The following TSPAN8 variants were observed in gnomAD, a reference collection of about 807,000 sequenced individuals.
TSPAN8 encodes tetraspanin-8.
In TSPAN8, 21 loss-of-function variants were observed where a neutral mutation model predicts 32.8. The observed-to-expected ratio is 0.64, with a 90% CI of 0.45 to 0.92. TSPAN8 has a LOEUF of 0.92. Ranked by LOEUF, TSPAN8 falls within the 40% of genes least tolerant of loss-of-function variation. The probability of loss-of-function intolerance (pLI) is 0.00; values close to 1 mark genes in which losing one functional copy is unlikely to be tolerated. For missense variants in TSPAN8, 269 were observed against 281.9 expected, an observed-to-expected ratio of 0.95 and a Z score of 0.33; for synonymous variants, 95 against 94.6, an observed-to-expected ratio of 1.00 and a Z score of -0.03.
intron 2 of TSPAN8, among the ~76,000 whole-genome samples, chr12:71,155,509 G>A (rs1477999463): frequency 6.6e-6 from 1 of 152,056 alleles, no homozygotes; most frequent in Non-Finnish European, 1.5e-5. Flanking sequence ...GTTGACTGAG[G>A]GAGAATCAAC....
intron 2 of TSPAN8, among the ~76,000 whole-genome samples, chr12:71,154,405 A>G (rs1311640098): frequency 6.6e-6 from 1 of 151,346 alleles, no homozygotes; most frequent in African/African-American, 2.4e-5. Context: ...GGCATGGTAC[A>G]GACCTCTACA....
chr12:71,137,295 T>A (rs1871730911), intron 6 of TSPAN8, among the ~76,000 whole-genome samples: 3 of 151,822 alleles, frequency 2.0e-5, no homozygotes, highest in Admixed American at 2.0e-4. Context: ...TAATTAATTA[T>A]TTTTTAAAAA....
At position 71,157,726 on chromosome 12, in the gene TSPAN8, T is replaced by C. The variant is rs1488345605; in HGVS notation, c.-48A>G. 7 of 1,476,266 alleles carry C rather than the reference T, an allele frequency of 4.7e-6. No homozygotes were observed. The highest frequency in any genetic ancestry group is 6.6e-6 in the Non-Finnish European group (7 of 1,054,852). 91.4% of individuals were successfully genotyped at this position (1,476,266 alleles called of 1,614,324 possible). ...AGATGCCGTGAATTTAACTATTCGT[T>C]ACAGGCTTGTCCTGCAATATGCTCT... On this transcript the variant is annotated 5_prime_UTR_variant, in exon 2 of 9. Transcript: ENST00000247829.
rs1159020231 is a variant in TSPAN8, at chr12:71,125,261, A to G, written c.*73T>C. 1.5e-6 allele frequency: 2 copies of G among 1,337,222 alleles called. No homozygotes were observed. The highest frequency in any genetic ancestry group is 2.3e-5 in the East Asian group (1 of 43,610). The allele number at this position is 1,337,222 out of a possible 1,614,324, so 82.8% of individuals were successfully genotyped here. A position where few individuals can be genotyped will look rare whatever the true frequency, so the allele number is the denominator to read the frequency against. ...TGCTCCTGACTTATATAGCACTTACATATTTAAATTTACAAAGCCAAAGCA... is the reference window on the plus strand; with the variant it reads ...TGCTCCTGACTTATATAGCACTTACGTATTTAAATTTACAAAGCCAAAGCA... On this transcript the variant is annotated 3_prime_UTR_variant, in exon 9 of 9. Coordinates refer to ENST00000247829, the MANE Select transcript of TSPAN8 (RefSeq NM_004616.3).
chr12:71,130,853 T>C (rs1871499441), intron 7 of TSPAN8, among the ~76,000 whole-genome samples: 1 of 152,178 alleles, frequency 6.6e-6, no homozygotes, highest in Non-Finnish European at 1.5e-5. Context: ...AAAAAAGAAA[T>C]GTGAATTATG....
intron 6 of TSPAN8, among the ~76,000 whole-genome samples, chr12:71,137,481 T>C (rs1283856540): frequency 6.6e-6 from 1 of 151,830 alleles, no homozygotes; most frequent in Non-Finnish European, 1.5e-5. Context: ...ATGTCTGTAG[T>C]CTCAGCTACT....
intron 6 of TSPAN8, among the ~76,000 whole-genome samples, chr12:71,135,917 C>T (rs1871681342): frequency 6.6e-6 from 1 of 151,976 alleles, no homozygotes; most frequent in South Asian, 2.1e-4. Context: ...AAGAATGATC[C>T]CGGAAAGAAG....
At chr12:71,125,489 T>G (rs770105505) in intron 8 of TSPAN8, 102 bp from the exon 9 acceptor site, 15 of 982,468 alleles carry the variant, frequency 1.5e-5, no homozygotes, top group Non-Finnish European at 2.1e-5. Flanking sequence ...ATTTTGTATA[T>G]TGACAGTTCC....
At chr12:71,156,477 AT>A (rs200595978) in intron 2 of TSPAN8, among the ~76,000 whole-genome samples, 103 of 138,204 alleles carry the variant, frequency 7.5e-4, no homozygotes, top group Non-Finnish European at 7.2e-4. Context: ...ACAGCAGCCC[AT>A]TTTTTTTGCC....
At chr12:71,151,573 A>G (rs1365955390) in intron 2 of TSPAN8, among the ~76,000 whole-genome samples, 1 of 152,250 alleles carries the variant, frequency 6.6e-6, no homozygotes, top group Non-Finnish European at 1.5e-5. Context: ...TCAAAAAATG[A>G]CACAAATTCA....
At chr12:71,150,495 A>C (rs1398406929) in intron 2 of TSPAN8, among the ~76,000 whole-genome samples, 1 of 145,378 alleles carries the variant, frequency 6.9e-6, no homozygotes, top group Non-Finnish European at 1.5e-5. Flanking sequence ...TCAGGTGGGC[A>C]TCACGGTCCT....
intron 2 of TSPAN8, among the ~76,000 whole-genome samples, chr12:71,153,548 C>G (rs1332921257): frequency 6.6e-6 from 1 of 152,064 alleles, no homozygotes; most frequent in Non-Finnish European, 1.5e-5. Flanking sequence ...GCAAGTTATA[C>G]CAGAAAGAAT....
In TSPAN8 at chr12:71,132,711, T is replaced by C; in HGVS notation, c.558A>G (p.Gly186=). 6.2e-7 allele frequency: 1 copy of C among 1,613,760 alleles called. No individual in the cohort carries two copies. The highest frequency in any genetic ancestry group is 1.7e-4 in the Middle Eastern group (1 of 6,058). ...DKQRPCQSYN[G]KQVYKETCIS... is the part of the protein sequence containing the mutation. Reference sequence around the variant, plus strand: ...TTCTCACCTCTTTGTAAACTTGTTTTCCATTATAGCTTTGGCATGGTCTCT... The same window carrying C: ...TTCTCACCTCTTTGTAAACTTGTTTCCCATTATAGCTTTGGCATGGTCTCT... Residue 186 remains glycine (G), a synonymous_variant, in exon 7 of 9, where the codon GGA becomes GGG. Coordinates refer to ENST00000247829, the MANE Select transcript of TSPAN8 (RefSeq NM_004616.3).
chr12:71,125,499 C>T (rs1871323929), intron 8 of TSPAN8, 112 bp from the exon 9 acceptor site: 3 of 836,926 alleles, frequency 3.6e-6, no homozygotes, highest in Non-Finnish European at 5.5e-6. Context: ...TTGACAGTTC[C>T]AATCTTATCT....
rs1872024005 is a variant in TSPAN8, at chr12:71,144,898, C to T, written c.61-685G>A. ...TATTTAATTTGGACCAATGCCAACA[C>T]AATAAAATGTAAAACACATTTTACT... On this transcript the variant is annotated intron_variant, in intron 2 of 8. Transcript: ENST00000247829. 2.6e-5 allele frequency among the ~76,000 whole-genome samples: 4 copies of T among 151,822 alleles called. No homozygotes were observed. The South Asian group carries it at 8.3e-4, about 32-fold the overall frequency.
At chr12:71,144,277 A>C (rs1592407233) in intron 2 of TSPAN8, 64 bp from the exon 3 acceptor site, 2 of 1,445,978 alleles carry the variant, frequency 1.4e-6, no homozygotes, top group East Asian at 2.3e-5. Context: ...CTATTTCCAC[A>C]CCCTCCTATC....
intron 2 of TSPAN8, among the ~76,000 whole-genome samples, chr12:71,149,283 G>C (rs1259606366): frequency 2.0e-5 from 3 of 151,504 alleles, no homozygotes; most frequent in African/African-American, 7.3e-5. Flanking sequence ...CAGGAGAATT[G>C]CTTGAACCCG....
At chr12:71,154,774 A>G (rs1355791014) in intron 2 of TSPAN8, among the ~76,000 whole-genome samples, 2 of 152,238 alleles carry the variant, frequency 1.3e-5, no homozygotes, top group Non-Finnish European at 2.9e-5. Context: ...TAGCTCTTTA[A>G]AGACAGATAT....
chr12:71,138,240 A>G lies in TSPAN8; in HGVS notation c.262-10T>C. ...GCAAGCCTATGAAAAACTGAAGAAG[A>G]GAAAAAGAAATATACATTATCCTCA... On this transcript the variant is annotated splice_polypyrimidine_tract_variant and intron_variant, in intron 4 of 8. Transcript: ENST00000247829. 6.2e-7 allele frequency: 1 copy of G among 1,612,932 alleles called. No homozygotes were observed. Among genetic ancestry groups the G allele is most frequent in the Non-Finnish European group, 8.5e-7 (1 of 1,179,566 alleles).
Sources: gnomAD v4.1 joint callset for allele counts (sites outside exome capture counted in the v4.1 genomes callset) on GRCh38, gnomAD v4.1.1 for gene constraint, MANE v1.5 for transcripts, NCBI Gene and HGNC (gene_info 2026-07-23, HGNC 2026-07-21) for gene names.